Variants in PAPSS2 observed in about 807,000 individuals in gnomAD.
The protein encoded by PAPSS2 is bifunctional 3'-phosphoadenosine 5'-phosphosulfate synthase 2.
In PAPSS2, 61 loss-of-function variants were observed where a neutral mutation model predicts 66.5. That is an observed-to-expected ratio of 0.92 (90% CI 0.75 to 1.14). The LOEUF (loss-of-function observed/expected upper bound fraction) is 1.14, where lower values mean the gene tolerates loss of function less well. Among genes scored for constraint, PAPSS2 ranks in the 50% most tolerant of loss-of-function variants. The pLI, the probability that PAPSS2 is intolerant of heterozygous loss-of-function variation, is 0.00. For missense variants in PAPSS2, 708 were observed against 789.6 expected, an observed-to-expected ratio of 0.90 and a Z score of 1.24; for synonymous variants, 289 against 287.5, an observed-to-expected ratio of 1.01 and a Z score of -0.05.
At chr10:87,672,853 A>T (rs866103666) in intron 1 of PAPSS2, among the ~76,000 whole-genome samples, 74 of 152,352 alleles carry the variant, frequency 4.9e-4, no homozygotes, top group African/African-American at 1.7e-3. Flanking sequence ...ACTGATGGGG[A>T]GAAGTGAAAG....
intron 10 of PAPSS2, among the ~76,000 whole-genome samples, chr10:87,742,789 G>A (rs901743926): frequency 3.3e-5 from 5 of 152,232 alleles, no homozygotes; most frequent in Admixed American, 1.3e-4. Context: ...GAGCCTTGGT[G>A]TACAGGAAAG....
At chr10:87,736,690 A>G (rs180937490) in intron 9 of PAPSS2, among the ~76,000 whole-genome samples, 2 of 152,376 alleles carry the variant, frequency 1.3e-5, no homozygotes, top group Non-Finnish European at 2.9e-5. Flanking sequence ...ATGTGTAACT[A>G]ACAAACTGCT....
chr10:87,661,701 A>G (rs1303899101), intron 1 of PAPSS2, among the ~76,000 whole-genome samples: 3 of 152,182 alleles, frequency 2.0e-5, no homozygotes, highest in Admixed American at 6.5e-5. Context: ...GCACAGTCAG[A>G]AGCAGTGAGA....
chr10:87,737,105 G>A (rs1183892374), intron 9 of PAPSS2, among the ~76,000 whole-genome samples: 1 of 152,140 alleles, frequency 6.6e-6, no homozygotes, highest in Non-Finnish European at 1.5e-5. Context: ...CCCTGATTAT[G>A]ATCAAAAGAG....
chr10:87,679,010 A>G (rs1304699895), intron 1 of PAPSS2, among the ~76,000 whole-genome samples: 1 of 152,226 alleles, frequency 6.6e-6, no homozygotes, highest in African/African-American at 2.4e-5. Flanking sequence ...CATAATAGGA[A>G]AGACATGGAA....
At chr10:87,688,084 G>A (rs1244570569) in intron 1 of PAPSS2, among the ~76,000 whole-genome samples, 2 of 151,972 alleles carry the variant, frequency 1.3e-5, no homozygotes, top group African/African-American at 2.4e-5. Context: ...TAACTAGTCA[G>A]GTGTAACTGG....
intron 1 of PAPSS2, among the ~76,000 whole-genome samples, chr10:87,701,390 TTCTTTC>T (rs1564716833): frequency 2.2e-5 from 2 of 91,206 alleles, no homozygotes; most frequent in Non-Finnish European, 4.1e-5. Context: ...CTTTCTTTCT[TTCTTTC>T]TCTTTCTTTC....
rs536446464 is a variant in PAPSS2 at position 87,693,249 on chromosome 10, C to T, written c.28-15947C>T. ...GAGGCCTTGAGCCAGGCTGGCATGG[C>T]CACACTGAAGTCCTGTGATTCTGTT... On this transcript the variant is annotated intron_variant, in intron 1 of 12. Transcript: ENST00000456849. Among the ~76,000 whole-genome samples the T allele has an allele frequency of 2.0e-5, 3 of 152,294 alleles. No homozygotes were observed. The East Asian group carries it at 5.8e-4, about 29-fold the overall frequency.
At chr10:87,660,108 G>T (rs1187502197) in intron 1 of PAPSS2, 100 bp downstream of exon 1, 2 of 1,240,448 alleles carry the variant, frequency 1.6e-6, no homozygotes, top group Non-Finnish European at 2.3e-6. Context: ...CTCCCCGGGA[G>T]GGGGCGTCGG....
At chr10:87,674,277 G>A (rs1474849607) in intron 1 of PAPSS2, among the ~76,000 whole-genome samples, 2 of 152,192 alleles carry the variant, frequency 1.3e-5, no homozygotes, top group Non-Finnish European at 2.9e-5. Flanking sequence ...CGATTCTCCT[G>A]CCTCAGCTCT....
rs750018545 is a variant in PAPSS2, at chr10:87,715,795, C to T, written c.817C>T (p.Arg273Trp). The change falls in exon 7 of 13, where the codon CGG becomes TGG. Residue 273 changes from arginine to tryptophan, a missense_variant. Coordinates refer to ENST00000456849, the MANE Select transcript of PAPSS2 (RefSeq NM_001015880.2). ...GWATPLKGFM[R>W]EKEYLQVMHF... ...GGCCACTCCCCTCAAAGGTTTCATG[C>T]GGGAGAAGGAGTACTTACAGGTTAT... is the stretch of plus-strand genomic sequence containing the variant. The T allele has an allele frequency of 8.2e-5, 133 of 1,612,842 alleles. No individual in the cohort carries two copies. Among genetic ancestry groups the T allele is most frequent in the Non-Finnish European group, 1.1e-4 (130 of 1,179,108 alleles).
intron 9 of PAPSS2, among the ~76,000 whole-genome samples, chr10:87,736,054 A>C (rs1853794758): frequency 1.3e-5 from 2 of 152,056 alleles, no homozygotes; most frequent in African/African-American, 4.8e-5. Flanking sequence ...TTGTATTTGG[A>C]AAGTGGTGAA....
At chr10:87,716,048 A>G (rs1853528728) in intron 7 of PAPSS2, among the ~76,000 whole-genome samples, 1 of 152,190 alleles carries the variant, frequency 6.6e-6, no homozygotes, top group Non-Finnish European at 1.5e-5. Flanking sequence ...TTGTTCCTTT[A>G]AAACTAAGGA....
At chr10:87,681,154 T>C (rs7078618) in intron 1 of PAPSS2, among the ~76,000 whole-genome samples, 89,498 of 151,982 alleles carry the variant, frequency 0.59, 26,993 homozygotes, top group East Asian at 0.78. Flanking sequence ...AATTCTCAGG[T>C]TCAAGACATC....
chr10:87,703,381 G>A (rs1853343118), intron 1 of PAPSS2, among the ~76,000 whole-genome samples: 1 of 151,000 alleles, frequency 6.6e-6, no homozygotes, highest in Admixed American at 6.6e-5. Flanking sequence ...CCCAGACTTG[G>A]GTTAGAGTAG....
chr10:87,667,173 G>T (rs752900461), intron 1 of PAPSS2, among the ~76,000 whole-genome samples: 1 of 152,080 alleles, frequency 6.6e-6, no homozygotes, highest in Non-Finnish European at 1.5e-5. Flanking sequence ...CAATAAATTG[G>T]CTGGGTGTGG....
intron 9 of PAPSS2, among the ~76,000 whole-genome samples, chr10:87,728,901 T>C (rs1478997387): frequency 1.3e-5 from 2 of 152,192 alleles, no homozygotes; most frequent in Non-Finnish European, 2.9e-5. Context: ...CTGAAGACCT[T>C]CTCTATCTGA....
At chr10:87,701,398 CTTTCTT>C (rs1274049544) in intron 1 of PAPSS2, among the ~76,000 whole-genome samples, 2,819 of 77,760 alleles carry the variant, frequency 0.036, 82 homozygotes, top group African/African-American at 0.064. Context: ...CTTTCTTTCT[CTTTCTT>C]TCTCTCTCTC....
chr10:87,659,899 T>TGCC lies in PAPSS2; in HGVS notation c.-81_-80insCGC, dbSNP rs1554860713. 122 of 1,415,924 alleles carry TGCC rather than the reference T, an allele frequency of 8.6e-5. No individual in the cohort carries two copies. In the African/African-American group the frequency reaches 1.4e-3, roughly 16 times the overall value. The allele number at this position is 1,415,924 out of a possible 1,614,324, so 87.7% of individuals were successfully genotyped here. ...CGGCAGCCGCTGCTGCTGCTGCTGC[T>TGCC]GCTGCTGCCGCCGCCGCCGCCGCCG... On this transcript the variant is annotated 5_prime_UTR_variant, in exon 1 of 13. Transcript: ENST00000456849.
Sources: allele counts gnomAD v4.1 joint callset (sites outside exome capture counted in the v4.1 genomes callset), GRCh38; gene constraint gnomAD v4.1.1; transcripts MANE v1.5; gene names NCBI Gene and HGNC (gene_info 2026-07-23, HGNC 2026-07-21).